Variants in KCNT2 observed in about 807,000 individuals in gnomAD.
KCNT2 encodes the protein potassium channel subfamily T member 2.
In KCNT2, 67 loss-of-function variants were observed where a neutral mutation model predicts 153.8. The observed-to-expected ratio is 0.44, with a 90% CI of 0.36 to 0.53. KCNT2 has a LOEUF of 0.53. Among genes scored for constraint, KCNT2 ranks in the 20% least tolerant of loss-of-function variants. KCNT2 has a pLI of 0.00. For missense variants in KCNT2, 975 were observed against 1,354.8 expected (o/e 0.72, Z 4.40); for synonymous variants, 500 against 458.8 (o/e 1.09, Z -1.15).
intron 11 of KCNT2, among the ~76,000 whole-genome samples, chr1:196,424,942 C>T (rs2148526610): frequency 6.6e-6 from 1 of 151,418 alleles, no homozygotes; most frequent in East Asian, 2.0e-4. Context: ...CCCGCTCATG[C>T]ACACTCAGGT....
chr1:196,569,764 G>T (rs1334840043), intron 1 of KCNT2, among the ~76,000 whole-genome samples: 2 of 152,066 alleles, frequency 1.3e-5, no homozygotes, highest in African/African-American at 4.8e-5. Context: ...CCCTCATACT[G>T]CAAGTCCCTA....
At chr1:196,528,513 AAAG>A (rs919666731) in intron 1 of KCNT2, among the ~76,000 whole-genome samples, 1 of 152,202 alleles carries the variant, frequency 6.6e-6, no homozygotes, top group African/African-American at 2.4e-5. Flanking sequence ...TATCTAAGCC[AAAG>A]AAGGTGTTAT....
intron 8 of KCNT2, among the ~76,000 whole-genome samples, chr1:196,430,925 G>A (rs548177035): frequency 2.6e-5 from 4 of 152,268 alleles, no homozygotes; most frequent in African/African-American, 4.8e-5. Flanking sequence ...CAAAATTCAT[G>A]TTGAAACTTA....
At chr1:196,548,304 T>G (rs1305279609) in intron 1 of KCNT2, among the ~76,000 whole-genome samples, 3 of 151,780 alleles carry the variant, frequency 2.0e-5, no homozygotes, top group African/African-American at 7.3e-5. Flanking sequence ...CTCAAACAAA[T>G]TTACAAGAAA....
At chr1:196,570,081 AAAAAAAAAAAAAAAAAAT>A (rs1660597439) in intron 1 of KCNT2, among the ~76,000 whole-genome samples, 1 of 11,504 alleles carries the variant, frequency 8.7e-5, no homozygotes, top group African/African-American at 9.2e-5. Flanking sequence ...AAAAAAAAAA[AAAAAAAAAAAAAAAAAAT>A]TAAAGGCCTT....
At chr1:196,375,694 A>G (rs1001991511) in intron 13 of KCNT2, among the ~76,000 whole-genome samples, 3 of 151,744 alleles carry the variant, frequency 2.0e-5, no homozygotes, top group Admixed American at 1.3e-4. Context: ...ATAGATAGTT[A>G]TATTTACTCT....
At chr1:196,339,731 G>A (rs939186314) in intron 16 of KCNT2, among the ~76,000 whole-genome samples, 3 of 152,198 alleles carry the variant, frequency 2.0e-5, no homozygotes, top group East Asian at 1.9e-4. Context: ...GATACTAAAT[G>A]TTTGTAGGTT....
intron 13 of KCNT2, among the ~76,000 whole-genome samples, chr1:196,388,428 T>A (rs1036586590): frequency 6.6e-6 from 1 of 151,730 alleles, no homozygotes; most frequent in African/African-American, 2.4e-5. Flanking sequence ...TTATTAATAT[T>A]TCAAAGTGAC....
intron 1 of KCNT2, among the ~76,000 whole-genome samples, chr1:196,556,731 G>C (rs1572820502): frequency 6.6e-6 from 1 of 151,412 alleles, no homozygotes. Context: ...AGCAACATAA[G>C]TGTCCGTCGA....
intron 1 of KCNT2, among the ~76,000 whole-genome samples, chr1:196,549,216 T>A (rs1411988631): frequency 1.3e-5 from 2 of 151,968 alleles, no homozygotes; most frequent in Non-Finnish European, 2.9e-5. Flanking sequence ...TTTGGCAGTT[T>A]ATTTTGTTCA....
chr1:196,287,993 G>A (rs1314254497), intron 22 of KCNT2, among the ~76,000 whole-genome samples: 1 of 152,064 alleles, frequency 6.6e-6, no homozygotes, highest in Non-Finnish European at 1.5e-5. Flanking sequence ...TATTCTTTTA[G>A]TAGAAAAGCC....
chr1:196,505,504 A>T (rs568667736), intron 1 of KCNT2, among the ~76,000 whole-genome samples: 3,037 of 149,040 alleles, frequency 0.02, 110 homozygotes, highest in African/African-American at 0.069. Context: ...GTATAGTTTG[A>T]AGTCAGGTAG....
chr1:196,274,794 T>C (rs1658401345), intron 25 of KCNT2, among the ~76,000 whole-genome samples: 1 of 151,824 alleles, frequency 6.6e-6, no homozygotes, highest in Admixed American at 6.6e-5. Flanking sequence ...TTCTGGTTCC[T>C]AGTAAAATGT....
intron 1 of KCNT2, among the ~76,000 whole-genome samples, chr1:196,601,386 T>C (rs1056568063): frequency 1.3e-5 from 2 of 152,216 alleles, no homozygotes; most frequent in Non-Finnish European, 2.9e-5. Context: ...TAATATCGGT[T>C]TCCACTACTG....
At chr1:196,426,718 T>C (rs945502943) in intron 10 of KCNT2, among the ~76,000 whole-genome samples, 2 of 151,840 alleles carry the variant, frequency 1.3e-5, no homozygotes, top group African/African-American at 4.8e-5. Flanking sequence ...AGTTAATGAC[T>C]GTATGATATG....
intron 14 of KCNT2, among the ~76,000 whole-genome samples, chr1:196,347,734 T>C (rs560018564): frequency 2.0e-5 from 3 of 152,188 alleles, no homozygotes; most frequent in Admixed American, 1.3e-4. Flanking sequence ...CTTTCTCTTA[T>C]GCACATCAGC....
intron 23 of KCNT2, among the ~76,000 whole-genome samples, chr1:196,284,545 TG>T (rs1659478417): frequency 1.3e-5 from 2 of 151,844 alleles, no homozygotes; most frequent in African/African-American, 4.8e-5. Flanking sequence ...TGGCTCCTAT[TG>T]ATATAAAATC....
At chr1:196,334,487 C>CTTTTTTTTTTTTTTTT (rs533230418) in intron 16 of KCNT2, among the ~76,000 whole-genome samples, 9 of 87,282 alleles carry the variant, frequency 1.0e-4, no homozygotes, top group South Asian at 1.0e-3. Flanking sequence ...TTCTTTCTTT[C>CTTTTTTTTTTTTTTTT]TTTTTTTTTT....
Position 196,579,756 on chromosome 1 carries a change from G to C in KCNT2, c.95+28459C>G, listed in dbSNP as rs541197370. On this transcript the variant is annotated intron_variant, in intron 1 of 27. Transcript: ENST00000294725. ...GATCCACCCACCTCTCCCTCCAAAA[G>C]TGCGGCGATTATGAGCATGAGCCAC... Among the ~76,000 whole-genome samples, 17 of 152,114 alleles carry C rather than the reference G, an allele frequency of 1.1e-4. No homozygotes were observed. In the East Asian group the frequency reaches 3.1e-3, roughly 28 times the overall value.
Sources: allele counts gnomAD v4.1 joint callset (sites outside exome capture counted in the v4.1 genomes callset), GRCh38; gene constraint gnomAD v4.1.1; transcripts MANE v1.5; gene names NCBI Gene and HGNC (gene_info 2026-07-23, HGNC 2026-07-21).